Variants in ESR1 observed in about 807,000 individuals in gnomAD.
ESR1 encodes the protein estrogen receptor 1, also known as estrogen receptor.
A neutral mutation model predicts 52.7 loss-of-function variants in ESR1; 12 were observed. That is an observed-to-expected ratio of 0.23 (90% CI 0.15 to 0.37). ESR1 has a LOEUF of 0.37. Ranked by LOEUF, ESR1 falls within the 10% of genes least tolerant of loss-of-function variation. The pLI, the probability that ESR1 is intolerant of heterozygous loss-of-function variation, is 1.00. For missense variants in ESR1, 584 were observed against 779.7 expected (o/e 0.75, Z 2.99); for synonymous variants, 305 against 316.8 (o/e 0.96, Z 0.39).
At chr6:151,972,335 G>A (rs572791653) in intron 4 of ESR1, among the ~76,000 whole-genome samples, 1 of 152,050 alleles carries the variant, frequency 6.6e-6, no homozygotes, top group Admixed American at 6.5e-5. Context: ...CCAAAACCAG[G>A]AAAGGACATA....
intron 2 of ESR1, among the ~76,000 whole-genome samples, chr6:151,712,941 T>A (rs1780735255): frequency 6.6e-6 from 1 of 152,230 alleles, no homozygotes. Context: ...TTCTTCCAGC[T>A]TTTGCCCATT....
intron 1 of ESR1, among the ~76,000 whole-genome samples, chr6:151,822,713 G>A (rs573411401): frequency 6.6e-6 from 1 of 152,282 alleles, no homozygotes; most frequent in Non-Finnish European, 1.5e-5. Context: ...TTAAAGGTGA[G>A]GGAGTTTCTT....
chr6:151,896,585 G>GTT (rs1795544020), intron 3 of ESR1, among the ~76,000 whole-genome samples: 1 of 151,686 alleles, frequency 6.6e-6, no homozygotes, highest in South Asian at 2.1e-4. Flanking sequence ...TCTTTTCTTG[G>GTT]TTAATCTTGC....
chr6:152,039,909 T>G (rs958681209), intron 5 of ESR1, among the ~76,000 whole-genome samples: 1 of 152,122 alleles, frequency 6.6e-6, no homozygotes, highest in Non-Finnish European at 1.5e-5. Flanking sequence ...ATAAAGTGAG[T>G]GCCTTGTTCA....
chr6:151,728,446 T>C (rs1435926312), intron 2 of ESR1, among the ~76,000 whole-genome samples: 1 of 152,236 alleles, frequency 6.6e-6, no homozygotes, highest in Non-Finnish European at 1.5e-5. Flanking sequence ...CACTGAGTAG[T>C]CTAGTGTTGT....
intron 1 of ESR1, among the ~76,000 whole-genome samples, chr6:151,826,351 G>A (rs1781498867): frequency 6.6e-6 from 1 of 152,174 alleles, no homozygotes; most frequent in Non-Finnish European, 1.5e-5. Flanking sequence ...GAGATTTTAG[G>A]TTGCTTCTGA....
chr6:151,960,057 A>G (rs532586425), intron 4 of ESR1, among the ~76,000 whole-genome samples: 25 of 152,304 alleles, frequency 1.6e-4, no homozygotes, highest in South Asian at 1.0e-3. Flanking sequence ...TGTTAGGGGT[A>G]GGTCTTCAGA....
intron 6 of ESR1, chr6:152,112,765 G>C (rs977059131): frequency 6.6e-6 from 1 of 152,248 alleles, no homozygotes; most frequent in East Asian, 1.9e-4. Flanking sequence ...ACCAGGAAAC[G>C]AACAAGGGAA....
intron 4 of ESR1, among the ~76,000 whole-genome samples, chr6:151,990,380 C>T (rs1433945808): frequency 6.6e-6 from 1 of 151,936 alleles, no homozygotes; most frequent in Admixed American, 6.6e-5. Flanking sequence ...TTTTTTTAGT[C>T]CATTGCTGGT....
At chr6:151,867,090 C>T (rs1473207758) in intron 2 of ESR1, among the ~76,000 whole-genome samples, 6 of 152,128 alleles carry the variant, frequency 3.9e-5, no homozygotes, top group Non-Finnish European at 7.4e-5. Context: ...GGACCCCTTC[C>T]TTACACCTTA....
chr6:151,861,887 C>G (rs1210858129), intron 2 of ESR1, among the ~76,000 whole-genome samples: 2 of 151,976 alleles, frequency 1.3e-5, no homozygotes, highest in Non-Finnish European at 2.9e-5. Context: ...TTACAATGGA[C>G]TGCATAAATG....
rs141508452 is a variant in ESR1 at position 152,012,017 on chromosome 6, T to TACACACAC, written c.1235+246_1235+253dup. 0.027 allele frequency among the ~76,000 whole-genome samples: 3,889 copies of TACACACAC among 141,714 alleles called. 89 individuals are homozygous for TACACACAC. The highest frequency in any genetic ancestry group is 0.052 in the East Asian group (246 of 4,696). The allele number at this position is 141,714 out of a possible 152,430, so 93.0% of individuals were successfully genotyped here. A position where few individuals can be genotyped will look rare whatever the true frequency, so the allele number is the denominator to read the frequency against. On this transcript the variant is annotated intron_variant, in intron 5 of 7. Coordinates refer to ENST00000206249, the MANE Select transcript of ESR1 (RefSeq NM_000125.4). ...CTCAGAAGAATTCTATTATTTCTAA[T>TACACACAC]ACACACACACACACACACACACACA... is the stretch of plus-strand genomic sequence containing the variant.
intron 2 of ESR1, among the ~76,000 whole-genome samples, chr6:151,702,283 G>T (rs930407879): frequency 1.3e-5 from 2 of 152,142 alleles, no homozygotes; most frequent in African/African-American, 4.8e-5. Flanking sequence ...TAGTATCAGA[G>T]AGGTTAACCA....
intron 3 of ESR1, among the ~76,000 whole-genome samples, chr6:151,894,048 C>T (rs1795087677): frequency 6.6e-6 from 1 of 152,216 alleles, no homozygotes; most frequent in Non-Finnish European, 1.5e-5. Flanking sequence ...ACTACATCCA[C>T]ACCAACGTCT....
At position 151,795,187 on chromosome 6, in the gene ESR1, A is replaced by G. The variant is rs567030712; in HGVS notation, c.-70-12656A>G. ...AACCACTAGGAGGTATAATGTTCAA[A>G]TAAAAATGTCTGAAAAGAGCTGGGT... On this transcript the variant is annotated intron_variant, in intron 2 of 2. Coordinates refer to the ESR1 transcript ENST00000404742. Among the ~76,000 whole-genome samples the G allele has an allele frequency of 5.3e-5, 8 of 152,280 alleles. No individual in the cohort carries two copies. In the South Asian group the frequency reaches 1.0e-3, roughly 20 times the overall value.
chr6:151,949,026 C>G (rs188250786), intron 4 of ESR1, among the ~76,000 whole-genome samples: 134 of 152,250 alleles, frequency 8.8e-4, no homozygotes, highest in Admixed American at 2.4e-3. Context: ...CTCAATTTTC[C>G]CATAAACTAG....
chr6:151,922,472 T>C (rs562533100), intron 3 of ESR1, among the ~76,000 whole-genome samples: 65 of 152,322 alleles, frequency 4.3e-4, no homozygotes, highest in African/African-American at 1.5e-3. Context: ...CTAGAACCCA[T>C]GAATATTTAT....
intron 1 of ESR1, among the ~76,000 whole-genome samples, chr6:151,817,806 C>T (rs1389247983): frequency 6.6e-6 from 1 of 152,120 alleles, no homozygotes; most frequent in African/African-American, 2.4e-5. Flanking sequence ...TCATATCTTC[C>T]CTTCATAGGG....
At chr6:151,934,133 C>G (rs1293917887) in intron 3 of ESR1, among the ~76,000 whole-genome samples, 1 of 152,166 alleles carries the variant, frequency 6.6e-6, no homozygotes, top group East Asian at 1.9e-4. Context: ...CCTCTCTGGT[C>G]TTTGGCTCTT....
Sources: gnomAD v4.1 joint callset for allele counts (sites outside exome capture counted in the v4.1 genomes callset) on GRCh38, gnomAD v4.1.1 for gene constraint, MANE v1.5 for transcripts, NCBI Gene and HGNC (gene_info 2026-07-23, HGNC 2026-07-21) for gene names.